The following CADM2 variants were observed in gnomAD, a reference collection of about 807,000 sequenced individuals.
CADM2 encodes the protein cell adhesion molecule 2.
In CADM2, 12 loss-of-function variants were observed where a neutral mutation model predicts 49.8. That is an observed-to-expected ratio of 0.24 (90% confidence interval 0.15 to 0.39). The LOEUF (loss-of-function observed/expected upper bound fraction) is 0.39, where lower values mean the gene tolerates loss of function less well. Among genes scored for constraint, CADM2 ranks in the 10% least tolerant of loss-of-function variants. CADM2 has a pLI of 1.00. For synonymous variants in CADM2, 214 were observed against 175.4 expected (o/e 1.22, Z -1.74); for missense variants, 378 against 492.3 (o/e 0.77, Z 2.20).
chr3:85,407,297 T>G (rs1352344016), intron 1 of CADM2, among the ~76,000 whole-genome samples: 1 of 152,180 alleles, frequency 6.6e-6, no homozygotes, highest in Non-Finnish European at 1.5e-5. Context: ...ATATGTCCCC[T>G]GAGCTCTGTA....
At chr3:85,731,463 A>G (rs2067926110) in intron 2 of CADM2, among the ~76,000 whole-genome samples, 1 of 152,192 alleles carries the variant, frequency 6.6e-6, no homozygotes, top group African/African-American at 2.4e-5. Flanking sequence ...GGATTGACAT[A>G]GGGAATGGAA....
chr3:85,452,128 C>T (rs1290644126), intron 1 of CADM2, among the ~76,000 whole-genome samples: 1 of 152,062 alleles, frequency 6.6e-6, no homozygotes, highest in Non-Finnish European at 1.5e-5. Context: ...CCAAACTGCT[C>T]CCACAGGTTA....
chr3:85,811,890 T>A (rs1169056894), intron 3 of CADM2, among the ~76,000 whole-genome samples: 3 of 150,930 alleles, frequency 2.0e-5, no homozygotes, highest in Non-Finnish European at 2.9e-5. Flanking sequence ...TACTTTAGAT[T>A]CCCCATTTTG....
intron 1 of CADM2, among the ~76,000 whole-genome samples, chr3:85,071,895 T>C (rs2036759198): frequency 6.6e-6 from 1 of 151,610 alleles, no homozygotes. Context: ...ACCAACAAGG[T>C]CATTCTGGTT....
At chr3:85,580,215 C>A (rs1460058920) in intron 1 of CADM2, among the ~76,000 whole-genome samples, 1 of 152,032 alleles carries the variant, frequency 6.6e-6, no homozygotes, top group Non-Finnish European at 1.5e-5. Flanking sequence ...TGCTATCAAC[C>A]TAGAATTTAG....
chr3:86,050,542 C>G (rs570318509), intron 8 of CADM2, among the ~76,000 whole-genome samples: 1 of 152,318 alleles, frequency 6.6e-6, no homozygotes, highest in Non-Finnish European at 1.5e-5. Flanking sequence ...TTGCACTGCC[C>G]TAGTAGAGGT....
chr3:85,643,833 G>T (rs555659542), intron 1 of CADM2, among the ~76,000 whole-genome samples: 3 of 152,020 alleles, frequency 2.0e-5, no homozygotes, highest in Non-Finnish European at 2.9e-5. Flanking sequence ...TTTAATCATA[G>T]ATGTTAGATG....
intron 1 of CADM2, among the ~76,000 whole-genome samples, chr3:85,614,008 T>G (rs2063739459): frequency 6.6e-6 from 1 of 151,680 alleles, no homozygotes; most frequent in Admixed American, 6.6e-5. Context: ...AAAAATTGTA[T>G]TTATGTAGCT....
intron 1 of CADM2, among the ~76,000 whole-genome samples, chr3:85,008,083 T>G (rs1306548957): frequency 6.6e-6 from 1 of 152,198 alleles, no homozygotes; most frequent in East Asian, 1.9e-4. Flanking sequence ...CAGAGAGCAG[T>G]TGGCTCAACT....
At chr3:85,543,420 A>ATGTGTGTGGGGTGTGTGTGTGTGTG (rs372108050) in intron 1 of CADM2, among the ~76,000 whole-genome samples, 1 of 129,584 alleles carries the variant, frequency 7.7e-6, no homozygotes, top group Non-Finnish European at 1.7e-5. Context: ...TGCCAAGCTA[A>ATGTGTGTGGGGTGTGTGTGTGTGTG]TGTGTGTGTG....
intron 1 of CADM2, among the ~76,000 whole-genome samples, chr3:85,535,347 G>A (rs1327173518): frequency 1.3e-5 from 2 of 152,050 alleles, no homozygotes; most frequent in East Asian, 3.9e-4. Context: ...TGGAGGTTTG[G>A]AACTCTCTGT....
intron 1 of CADM2, among the ~76,000 whole-genome samples, chr3:85,552,526 G>T (rs1021970246): frequency 6.6e-6 from 1 of 151,300 alleles, no homozygotes; most frequent in Non-Finnish European, 1.5e-5. Context: ...GACTACAGGC[G>T]CCCGCCACCA....
intron 1 of CADM2, among the ~76,000 whole-genome samples, chr3:85,013,060 C>A (rs1005146961): frequency 6.6e-6 from 1 of 150,410 alleles, no homozygotes; most frequent in African/African-American, 2.4e-5. Context: ...TGTTAACTTA[C>A]ACATAACACT....
At chr3:85,702,344 G>C (rs1035824589) in intron 1 of CADM2, among the ~76,000 whole-genome samples, 1 of 151,798 alleles carries the variant, frequency 6.6e-6, no homozygotes, top group South Asian at 2.1e-4. Context: ...TTGTACAGCT[G>C]GTTCTTATTA....
chr3:85,119,827 T>C (rs2038788162), intron 1 of CADM2, among the ~76,000 whole-genome samples: 1 of 152,202 alleles, frequency 6.6e-6, no homozygotes, highest in Non-Finnish European at 1.5e-5. Context: ...ATATGAATGC[T>C]TGTGAATTTT....
chr3:85,625,672 T>C (rs967521795), intron 1 of CADM2, among the ~76,000 whole-genome samples: 1 of 152,006 alleles, frequency 6.6e-6, no homozygotes, highest in African/African-American at 2.4e-5. Flanking sequence ...GAAGACAATT[T>C]AGGGATTGGG....
At chr3:85,582,163 A>G (rs531599915) in intron 1 of CADM2, among the ~76,000 whole-genome samples, 1 of 152,116 alleles carries the variant, frequency 6.6e-6, no homozygotes, top group East Asian at 1.9e-4. Flanking sequence ...TGATCTCATG[A>G]TCCGCCTGCC....
intron 3 of CADM2, among the ~76,000 whole-genome samples, chr3:85,814,285 T>C (rs1365404098): frequency 6.6e-6 from 1 of 152,150 alleles, no homozygotes. Context: ...TTCCTAGTTA[T>C]TTTATTTTCT....
At chr3:85,071,851 A>G (rs1297540705) in intron 1 of CADM2, among the ~76,000 whole-genome samples, 5 of 151,912 alleles carry the variant, frequency 3.3e-5, no homozygotes, top group Non-Finnish European at 5.9e-5. Flanking sequence ...GTTTGTATGA[A>G]GCAAAAACAT....
Sources: gnomAD v4.1 joint callset for allele counts (sites outside exome capture counted in the v4.1 genomes callset) on GRCh38, gnomAD v4.1.1 for gene constraint, MANE v1.5 for transcripts, NCBI Gene and HGNC (gene_info 2026-07-23, HGNC 2026-07-21) for gene names.